TNFRSF6B: variants seen among roughly 807,000 people sequenced by gnomAD.
The protein encoded by TNFRSF6B is TNF receptor superfamily member 6b, also known as tumor necrosis factor receptor superfamily member 6B.
TNFRSF6B carries 23 observed loss-of-function variants against 17.9 expected under a neutral mutation model. The ratio of observed to expected loss-of-function variants is 1.28; its 90% CI spans 0.92 to 1.82. The LOEUF is 1.82. Among genes scored for constraint, TNFRSF6B ranks in the 40% most tolerant of loss-of-function variants. The pLI is 0.00. For missense variants in TNFRSF6B, 555 were observed against 437.2 expected (o/e 1.27, Z -2.40); for synonymous variants, 291 against 195.8 (o/e 1.49, Z -4.06).
Position 63,698,660 on chromosome 20 carries a change from A to G in TNFRSF6B, c.*97A>G. On this transcript the variant is annotated 3_prime_UTR_variant, in exon 3 of 3. Coordinates refer to ENST00000369996, the MANE Select transcript of TNFRSF6B (RefSeq NM_003823.4). The stretch of plus-strand genomic sequence containing the variant: ...GAAGAAATGAGGTTTCTTAAAGCTT[A>G]TTTTTATAAAGCTTTTTCATAAAAC... 7.6e-7 allele frequency: 1 copy of G among 1,310,662 alleles called. No individual in the cohort carries two copies. Among genetic ancestry groups the G allele is most frequent in the South Asian group, 1.9e-5 (1 of 52,538 alleles). 81.2% of individuals were successfully genotyped at this position (1,310,662 alleles called of 1,614,324 possible).
At chr20:63,697,839 TCTC>T (rs1019778654) in intron 2 of TNFRSF6B, among the ~76,000 whole-genome samples, 24 of 152,200 alleles carry the variant, frequency 1.6e-4, no homozygotes, top group Admixed American at 5.2e-4. Context: ...TGATGGTAAC[TCTC>T]CTAACTGCCT....
At chr20:63,697,261 G>T in intron 1 of TNFRSF6B, 67 bp from the exon 2 acceptor site, 1 of 1,556,412 alleles carries the variant, frequency 6.4e-7, no homozygotes, top group Non-Finnish European at 8.7e-7. Flanking sequence ...CAGGTTGCTG[G>T]TCCCAGCCTT....
Position 63,698,535 on chromosome 20 carries a change from TC to T in TNFRSF6B, c.877del (p.Arg293ValfsTer39). ...AGGATGCCCGGGCTGGAGCGGAGCGTCCGTGAGCGCTTCCTCCCTGTGCACT... is the reference window on the plus strand; with the variant it reads ...AGGATGCCCGGGCTGGAGCGGAGCGTCGTGAGCGCTTCCTCCCTGTGCACT... Reference protein sequence around the residue: ...VARMPGLERSVRERFLPVH With the variant: ...VARMPGLERSXRERFLPVH On this transcript the variant is annotated frameshift_variant, in exon 3 of 3. Transcript: ENST00000369996. LOFTEE classifies it low-confidence loss of function (END_TRUNC). 2.6e-6 allele frequency: 4 copies of T among 1,542,768 alleles called. No individual in the cohort carries two copies. The highest frequency in any genetic ancestry group is 3.5e-6 in the Non-Finnish European group (4 of 1,154,582).
At chr20:63,697,720 C>G (rs1475596559) in intron 2 of TNFRSF6B, among the ~76,000 whole-genome samples, 198 bp downstream of exon 2, 1 of 152,168 alleles carries the variant, frequency 6.6e-6, no homozygotes, top group Non-Finnish European at 1.5e-5. Flanking sequence ...GAATTTGGAT[C>G]TGAGCCAGGG....
At position 63,697,458 on chromosome 20, in the gene TNFRSF6B, C is replaced by G. The variant is rs201044541; in HGVS notation, c.555C>G (p.Gly185=). ...TGGGCCTGGCCCTCAATGTGCCAGG[C>G]TCTTCCTCCCATGACACCCTGTGCA... is the stretch of plus-strand genomic sequence containing the variant. The part of the protein sequence containing the change: ...TALGLALNVP[G]SSSHDTLCTS... The change falls in exon 2 of 3, where the codon GGC becomes GGG. Residue 185 remains glycine, a synonymous_variant. Coordinates refer to ENST00000369996, the MANE Select transcript of TNFRSF6B (RefSeq NM_003823.4). 1.3e-6 allele frequency: 2 copies of G among 1,593,592 alleles called. No homozygotes were observed. Among genetic ancestry groups the G allele is most frequent in the African/African-American group, 1.3e-5 (1 of 74,724 alleles).
At chr20:63,698,089 C>G (rs1209517766) in intron 2 of TNFRSF6B, among the ~76,000 whole-genome samples, 191 bp from the exon 3 acceptor site, 1 of 152,100 alleles carries the variant, frequency 6.6e-6, no homozygotes, top group Non-Finnish European at 1.5e-5. Context: ...TGCTCCAGCT[C>G]TCTGACCGAA....
Position 63,696,859 on chromosome 20 carries a change from C to T in TNFRSF6B, c.92C>T (p.Ala31Val). The T allele has an allele frequency of 2.5e-6, 4 of 1,611,730 alleles. No homozygotes were observed. Among genetic ancestry groups the T allele is most frequent in the Non-Finnish European group, 1.7e-6 (2 of 1,179,520 alleles). ...CCGGTGCCGGCTGTACGCGGAGTGG[C>T]AGAAACACCCACCTACCCCTGGCGG... The part of the protein sequence containing the change: ...LLPVPAVRGV[A>V]ETPTYPWRDA... The change falls in exon 1 of 3, where the codon GCA becomes GTA. Residue 31 changes from alanine (A) to valine (V), a missense_variant. By Grantham distance (64) the Ala-to-Val change is moderately conservative. Coordinates refer to ENST00000369996, the MANE Select transcript of TNFRSF6B (RefSeq NM_003823.4).
Position 63,697,506 on chromosome 20 carries a change from C to G in TNFRSF6B, c.603C>G (p.Leu201=). 1 of 1,552,514 alleles carries G rather than the reference C, an allele frequency of 6.4e-7. No homozygotes were observed. Among genetic ancestry groups the G allele is most frequent in the Non-Finnish European group, 8.7e-7 (1 of 1,146,938 alleles). ...GCACCAGCTGCACTGGCTTCCCCCT[C>G]AGCACCAGGGTACCAGGTGAGCCAG... The part of the protein sequence containing the change: ...TLCTSCTGFP[L]STRVPGAEEC... Residue 201 remains leucine, a synonymous_variant, in exon 2 of 3, where the codon CTC becomes CTG. Transcript: ENST00000369996.
Position 63,696,877 on chromosome 20 carries a change from C to T in TNFRSF6B, c.110C>T (p.Pro37Leu), listed in dbSNP as rs2090992358. ...GGAGTGGCAGAAACACCCACCTACC[C>T]CTGGCGGGACGCAGAGACAGGGGAG... ...VRGVAETPTY[P>L]WRDAETGERL... The change falls in exon 1 of 3, where the codon CCC becomes CTC. Residue 37 changes from proline to leucine, a missense_variant. Coordinates refer to ENST00000369996, the MANE Select transcript of TNFRSF6B (RefSeq NM_003823.4). 3.1e-6 allele frequency: 5 copies of T among 1,611,720 alleles called. No homozygotes were observed. The highest frequency in any genetic ancestry group is 1.3e-5 in the African/African-American group (1 of 74,924).
chr20:63,697,891 G>A (rs796429743), intron 2 of TNFRSF6B, among the ~76,000 whole-genome samples: 6 of 152,272 alleles, frequency 3.9e-5, no homozygotes, highest in African/African-American at 7.2e-5. Context: ...TGGGGAAACC[G>A]AGGCCCAATG....
intron 2 of TNFRSF6B, among the ~76,000 whole-genome samples, chr20:63,697,844 T>C (rs1348343072): frequency 2.6e-5 from 4 of 152,126 alleles, no homozygotes; most frequent in Non-Finnish European, 5.9e-5. Context: ...GTAACTCTCC[T>C]AACTGCCTGA....
Position 63,698,580 on chromosome 20 carries a change from T to C in TNFRSF6B, c.*17T>C, listed in dbSNP as rs2091038777. On this transcript the variant is annotated 3_prime_UTR_variant, in exon 3 of 3. Coordinates refer to ENST00000369996, the MANE Select transcript of TNFRSF6B (RefSeq NM_003823.4). ...GTGCACTGATCCTGGCCCCCTCTTA[T>C]TTATTCTACATCCTTGGCACCCCAC... 1 of 1,473,914 alleles carries C rather than the reference T, an allele frequency of 6.8e-7. No individual in the cohort carries two copies. The highest frequency in any genetic ancestry group is 9.0e-7 in the Non-Finnish European group (1 of 1,116,928). The allele number at this position is 1,473,914 out of a possible 1,614,324, so 91.3% of individuals were successfully genotyped here.
At chr20:63,698,185 C>T (rs1276251260) in intron 2 of TNFRSF6B, 95 bp from the exon 3 acceptor site, 3 of 1,474,812 alleles carry the variant, frequency 2.0e-6, no homozygotes, top group Middle Eastern at 1.8e-4. Context: ...TCCTGCAAAC[C>T]CCCCGAGTGG....
In TNFRSF6B at chr20:63,698,432, C is replaced by A. The variant is rs570762078; in HGVS notation, c.772C>A (p.Arg258Ser). ...AGRAALQLKLRRRLTELLGAQ... is the reference protein window; with the variant it reads ...AGRAALQLKLSRRLTELLGAQ... ...CCGCGCGGCCTTGCAGCTGAAGCTG[C>A]GTCGGCGGCTCACGGAGCTCCTGGG... The change falls in exon 3 of 3, where the codon CGT (arginine) becomes AGT (serine). Residue 258 changes from arginine to serine, a missense_variant. Coordinates refer to ENST00000369996, the MANE Select transcript of TNFRSF6B (RefSeq NM_003823.4). 10 of 1,574,312 alleles carry A rather than the reference C, an allele frequency of 6.4e-6. No homozygotes were observed. The highest frequency in any genetic ancestry group is 8.6e-6 in the Non-Finnish European group (10 of 1,164,050).
chr20:63,696,683 G>T lies in TNFRSF6B; in HGVS notation c.-85G>T, dbSNP rs991129318. 14 of 1,406,334 alleles carry T rather than the reference G, an allele frequency of 1.0e-5. No homozygotes were observed. The highest frequency in any genetic ancestry group is 1.4e-5 in the African/African-American group (1 of 69,092). 87.1% of individuals were successfully genotyped at this position (1,406,334 alleles called of 1,614,324 possible). A position where few individuals can be genotyped will look rare whatever the true frequency, so the allele number is the denominator to read the frequency against. On this transcript the variant is annotated 5_prime_UTR_variant, in exon 1 of 3. Transcript: ENST00000369996. ...GGGCGGCCCCTCCGCAGGCGGACCG[G>T]GGGCAAAGGAGGTGGCATGTCGGTC...
Position 63,696,724 on chromosome 20 carries a change from C to T in TNFRSF6B, c.-44C>T, listed in dbSNP as rs112069901. On this transcript the variant is annotated 5_prime_UTR_variant, in exon 1 of 3. Transcript: ENST00000369996. ...CATGTCGGTCAGGCACAGCAGGGTC[C>T]TGTGTCCGCGCTGAGCCGCGCTCTC... 6.0e-4 allele frequency: 899 copies of T among 1,494,620 alleles called. 6 individuals carry two copies. In the African/African-American group the frequency reaches 9.9e-3, roughly 16 times the overall value. 92.6% of individuals were successfully genotyped at this position (1,494,620 alleles called of 1,614,324 possible). A position where few individuals can be genotyped will look rare whatever the true frequency, so the allele number is the denominator to read the frequency against.
At position 63,698,680 on chromosome 20, in the gene TNFRSF6B, T is replaced by A; in HGVS notation, c.*117T>A. On this transcript the variant is annotated 3_prime_UTR_variant, in exon 3 of 3. Transcript: ENST00000369996. Reference sequence around the variant, plus strand: ...AGCTTATTTTTATAAAGCTTTTTCATAAAACTGGTTGTAGTTGCACAGCTA... The same window carrying A: ...AGCTTATTTTTATAAAGCTTTTTCAAAAAACTGGTTGTAGTTGCACAGCTA... The A allele has an allele frequency of 8.0e-7, 1 of 1,255,188 alleles. No individual in the cohort carries two copies. The highest frequency in any genetic ancestry group is 3.1e-5 in the East Asian group (1 of 31,896). The allele number at this position is 1,255,188 out of a possible 1,614,324, so 77.8% of individuals were successfully genotyped here. A position where few individuals can be genotyped will look rare whatever the true frequency, so the allele number is the denominator to read the frequency against.
At position 63,696,676 on chromosome 20, in the gene TNFRSF6B, C is replaced by A; in HGVS notation, c.-92C>A. The A allele has an allele frequency of 7.2e-7, 1 of 1,384,108 alleles. No homozygotes were observed. The highest frequency in any genetic ancestry group is 1.5e-5 in the South Asian group (1 of 66,806). 85.7% of individuals were successfully genotyped at this position (1,384,108 alleles called of 1,614,324 possible). A position where few individuals can be genotyped will look rare whatever the true frequency, so the allele number is the denominator to read the frequency against. ...TGGACTTGGGCGGCCCCTCCGCAGG[C>A]GGACCGGGGGCAAAGGAGGTGGCAT... On this transcript the variant is annotated 5_prime_UTR_variant, in exon 1 of 3. Transcript: ENST00000369996.
At position 63,698,564 on chromosome 20, in the gene TNFRSF6B, T is replaced by A; in HGVS notation, c.*1T>A. 6.7e-7 allele frequency: 1 copy of A among 1,489,912 alleles called. No homozygotes were observed. Among genetic ancestry groups the A allele is most frequent in the African/African-American group, 1.5e-5 (1 of 67,478 alleles). 92.3% of individuals were successfully genotyped at this position (1,489,912 alleles called of 1,614,324 possible). On this transcript the variant is annotated 3_prime_UTR_variant, in exon 3 of 3. Coordinates refer to ENST00000369996, the MANE Select transcript of TNFRSF6B (RefSeq NM_003823.4). The stretch of plus-strand genomic sequence containing the variant: ...TGAGCGCTTCCTCCCTGTGCACTGA[T>A]CCTGGCCCCCTCTTATTTATTCTAC...
Sources: allele counts gnomAD v4.1 joint callset (sites outside exome capture counted in the v4.1 genomes callset), GRCh38; gene constraint gnomAD v4.1.1; transcripts MANE v1.5; gene names NCBI Gene and HGNC (gene_info 2026-07-23, HGNC 2026-07-21).